EYS: variants seen among roughly 807,000 people sequenced by gnomAD.
EYS encodes the protein protein eyes shut homolog.
A neutral mutation model predicts 282.1 loss-of-function variants in EYS; 250 were observed. The ratio of observed to expected loss-of-function variants is 0.89; its 90% CI spans 0.80 to 0.98. EYS has a LOEUF of 0.98. Among genes scored for constraint, EYS ranks in the 50% least tolerant of loss-of-function variants. The probability of loss-of-function intolerance (pLI) is 0.00; values close to 1 mark genes in which losing one functional copy is unlikely to be tolerated. For missense variants in EYS, 4,016 were observed against 3,709.0 expected, an observed-to-expected ratio of 1.08 and a Z score of -2.15; for synonymous variants, 1,355 against 1,282.9, an observed-to-expected ratio of 1.06 and a Z score of -1.20.
chr6:64,741,731 A>T (rs1435172137), intron 22 of EYS, among the ~76,000 whole-genome samples: 1 of 152,212 alleles, frequency 6.6e-6, no homozygotes, highest in Non-Finnish European at 1.5e-5. Context: ...AAAATTAAAC[A>T]TTATGAAGCA....
chr6:65,269,867 A>G (rs1027717688), intron 12 of EYS, among the ~76,000 whole-genome samples: 3 of 152,108 alleles, frequency 2.0e-5, no homozygotes, highest in African/African-American at 7.2e-5. Context: ...CAGAGACCCT[A>G]CCTCCAAATA....
chr6:64,206,980 C>A lies in EYS; in HGVS notation c.6424+23612G>T, dbSNP rs549717186. ...CTGATCCTCTCCTTCCTCCCACCTT[C>A]CACCCCGTAATAGGCCCCAGTGCGT... is the stretch of plus-strand genomic sequence containing the variant. On this transcript the variant is annotated intron_variant, in intron 31 of 42. Coordinates refer to ENST00000503581, the MANE Select transcript of EYS (RefSeq NM_001142800.2). Among the ~76,000 whole-genome samples the A allele has an allele frequency of 6.6e-5, 10 of 152,228 alleles. No homozygotes were observed. In the East Asian group the frequency reaches 1.7e-3, roughly 26 times the overall value.
intron 26 of EYS, among the ~76,000 whole-genome samples, chr6:64,522,512 A>G (rs1777776878): frequency 6.6e-6 from 1 of 151,752 alleles, no homozygotes; most frequent in South Asian, 2.1e-4. Context: ...GTTCGAAGAC[A>G]AATTGAATGT....
At chr6:64,649,082 G>A (rs1768459165) in intron 22 of EYS, among the ~76,000 whole-genome samples, 1 of 152,050 alleles carries the variant, frequency 6.6e-6, no homozygotes, top group African/African-American at 2.4e-5. Context: ...AGATCTAACA[G>A]TTAAGAATTG....
chr6:64,785,238 G>C (rs1773980383), intron 22 of EYS, among the ~76,000 whole-genome samples: 1 of 151,978 alleles, frequency 6.6e-6, no homozygotes, highest in Non-Finnish European at 1.5e-5. Flanking sequence ...CTAGCCCTAG[G>C]GATTTCTTTC....
chr6:64,589,077 C>T (rs951293939), intron 26 of EYS, among the ~76,000 whole-genome samples: 1 of 151,892 alleles, frequency 6.6e-6, no homozygotes, highest in Non-Finnish European at 1.5e-5. Flanking sequence ...TACCAAGAAC[C>T]TTATATGTGA....
At chr6:63,821,256 T>TA (rs1771316115) in intron 36 of EYS, 1 of 151,982 alleles carries the variant, frequency 6.6e-6, no homozygotes. Context: ...CTTGAAAGTG[T>TA]AACAAGAGGT....
chr6:65,684,834 G>A (rs181326305), intron 1 of EYS, among the ~76,000 whole-genome samples: 2 of 151,920 alleles, frequency 1.3e-5, no homozygotes, highest in East Asian at 2.0e-4. Context: ...GTAGTTTTTC[G>A]TTGTTGTTGT....
At chr6:64,074,964 C>T (rs903414209) in intron 32 of EYS, among the ~76,000 whole-genome samples, 1 of 151,906 alleles carries the variant, frequency 6.6e-6, no homozygotes, top group African/African-American at 2.4e-5. Flanking sequence ...GGGTTCAAAT[C>T]TATCCTTGGT....
At chr6:63,960,294 A>C (rs1766002279) in intron 35 of EYS, among the ~76,000 whole-genome samples, 1 of 152,174 alleles carries the variant, frequency 6.6e-6, no homozygotes, top group African/African-American at 2.4e-5. Flanking sequence ...AAGCAAGAGA[A>C]CTAGAATTAG....
chr6:63,823,508 G>C (rs1771377931), intron 36 of EYS, among the ~76,000 whole-genome samples: 1 of 152,014 alleles, frequency 6.6e-6, no homozygotes, highest in Non-Finnish European at 1.5e-5. Context: ...TTCAAAGTTT[G>C]TTTGCAATGG....
intron 5 of EYS, among the ~76,000 whole-genome samples, chr6:65,433,870 T>A (rs1406179079): frequency 6.6e-6 from 1 of 152,312 alleles, no homozygotes; most frequent in East Asian, 1.9e-4. Flanking sequence ...CAAGTTGAAA[T>A]GCCATGTTTG....
At chr6:65,484,534 A>G (rs1562213024) in intron 5 of EYS, among the ~76,000 whole-genome samples, 1 of 152,192 alleles carries the variant, frequency 6.6e-6, no homozygotes, top group Non-Finnish European at 1.5e-5. Flanking sequence ...TCATTCAAAG[A>G]CAGCTTGTTG....
chr6:65,569,579 C>G (rs1224004338), intron 2 of EYS, among the ~76,000 whole-genome samples: 2 of 152,130 alleles, frequency 1.3e-5, no homozygotes, highest in African/African-American at 4.8e-5. Flanking sequence ...TAACACCACT[C>G]TCCTAAAACC....
intron 2 of EYS, among the ~76,000 whole-genome samples, chr6:65,609,854 T>C (rs1334566569): frequency 1.3e-5 from 2 of 152,118 alleles, no homozygotes; most frequent in Admixed American, 6.6e-5. Context: ...ATAGGCCACA[T>C]ATCATGTGTC....
intron 21 of EYS, among the ~76,000 whole-genome samples, chr6:64,815,797 T>C (rs1425101921): frequency 6.6e-6 from 1 of 152,078 alleles, no homozygotes; most frequent in East Asian, 1.9e-4. Context: ...CCCAGTGATA[T>C]ATTCATTCAA....
chr6:65,220,032 T>G (rs1031061099), intron 12 of EYS, among the ~76,000 whole-genome samples: 1 of 152,108 alleles, frequency 6.6e-6, no homozygotes, highest in African/African-American at 2.4e-5. Flanking sequence ...TATCAATAAT[T>G]GTATCTTTCT....
chr6:63,932,226 T>C lies in EYS; in HGVS notation c.7055+52157A>G, dbSNP rs1764916246. On this transcript the variant is annotated intron_variant, in intron 35 of 42. Transcript: ENST00000503581. ...CATGTCCCACATTTTCCTTATCTAT[T>C]CATTTATTGATGAACTTTTAGCTTG... Among the ~76,000 whole-genome samples the C allele has an allele frequency of 2.0e-5, 3 of 152,232 alleles. No homozygotes were observed. In the South Asian group the frequency reaches 6.2e-4, roughly 31 times the overall value.
At chr6:65,445,750 C>T (rs1056867516) in intron 5 of EYS, among the ~76,000 whole-genome samples, 5 of 151,596 alleles carry the variant, frequency 3.3e-5, no homozygotes, top group African/African-American at 9.7e-5. Flanking sequence ...CATATTTAAC[C>T]GTCATGGAAA....
Sources: allele counts gnomAD v4.1 joint callset (sites outside exome capture counted in the v4.1 genomes callset), GRCh38; gene constraint gnomAD v4.1.1; transcripts MANE v1.5; gene names NCBI Gene and HGNC (gene_info 2026-07-23, HGNC 2026-07-21).